PALM2AKAP2: variants seen among roughly 807,000 people sequenced by gnomAD.
PALM2AKAP2 encodes the protein PALM2 and AKAP2 fusion.
In PALM2AKAP2, 37 loss-of-function variants were observed where a neutral mutation model predicts 71.5. That is an observed-to-expected ratio of 0.52 (90% CI 0.40 to 0.68). PALM2AKAP2 has a LOEUF of 0.68. Among genes scored for constraint, PALM2AKAP2 ranks in the 30% least tolerant of loss-of-function variants. PALM2AKAP2 has a pLI of 0.00. For synonymous variants in PALM2AKAP2, 468 were observed against 478.8 expected, an observed-to-expected ratio of 0.98 and a Z score of 0.29; for missense variants, 1,224 against 1,191.8, an observed-to-expected ratio of 1.03 and a Z score of -0.40.
intron 2 of PALM2AKAP2, among the ~76,000 whole-genome samples, chr9:109,878,428 T>C (rs190887599): frequency 3.3e-5 from 5 of 152,300 alleles, no homozygotes; most frequent in Admixed American, 3.3e-4. Context: ...TTAAGCCTAA[T>C]TATTAAAAAA....
At chr9:109,961,232 A>G (rs1372199850) in intron 6 of PALM2AKAP2, among the ~76,000 whole-genome samples, 1 of 152,238 alleles carries the variant, frequency 6.6e-6, no homozygotes, top group African/African-American at 2.4e-5. Context: ...ACATATATTA[A>G]ACTTGCTGTA....
chr9:109,805,717 T>A (rs1434216574), intron 1 of PALM2AKAP2, among the ~76,000 whole-genome samples: 1 of 152,208 alleles, frequency 6.6e-6, no homozygotes, highest in Non-Finnish European at 1.5e-5. Context: ...GAATAGATAC[T>A]TGGTATATAG....
chr9:109,802,087 A>G (rs983407898), intron 1 of PALM2AKAP2, among the ~76,000 whole-genome samples: 3 of 152,192 alleles, frequency 2.0e-5, no homozygotes, highest in East Asian at 1.9e-4. Context: ...TATACCTCAT[A>G]TATTCTTCTC....
intron 1 of PALM2AKAP2, among the ~76,000 whole-genome samples, chr9:109,685,947 T>C (rs1827800313): frequency 6.6e-6 from 1 of 152,184 alleles, no homozygotes; most frequent in African/African-American, 2.4e-5. Context: ...ATATTCTAAA[T>C]CCTTTCTGTG....
At chr9:109,761,982 A>G (rs1008742614) in intron 1 of PALM2AKAP2, among the ~76,000 whole-genome samples, 2 of 152,232 alleles carry the variant, frequency 1.3e-5, no homozygotes, top group South Asian at 4.1e-4. Flanking sequence ...CAAAACCACA[A>G]TGAGATACCA....
chr9:109,655,936 G>A (rs1489463408), intron 1 of PALM2AKAP2, among the ~76,000 whole-genome samples: 1 of 152,042 alleles, frequency 6.6e-6, no homozygotes, highest in Non-Finnish European at 1.5e-5. Context: ...ATTCTTTTGG[G>A]CATAAGGGTT....
chr9:109,827,938 G>A (rs1204354017), intron 1 of PALM2AKAP2, among the ~76,000 whole-genome samples: 1 of 152,212 alleles, frequency 6.6e-6, no homozygotes, highest in Non-Finnish European at 1.5e-5. Flanking sequence ...AACATTGTAA[G>A]AAATAACTGG....
In PALM2AKAP2 at chr9:109,681,457, G is replaced by A. The variant is rs112931846; in HGVS notation, c.5+40591G>A. On this transcript the variant is annotated intron_variant, in intron 1 of 6. Transcript: ENST00000374531. Reference sequence around the variant, plus strand: ...GTTTATGTGTGGTAAGCCAGGGCAGGCATTGCACTAAGCACAATGTCACAG... The same window carrying A: ...GTTTATGTGTGGTAAGCCAGGGCAGACATTGCACTAAGCACAATGTCACAG... Among the ~76,000 whole-genome samples, 728 of 152,280 alleles carry A rather than the reference G, an allele frequency of 4.8e-3. 6 individuals are homozygous for A. The highest frequency in any genetic ancestry group is 0.017 in the African/African-American group (706 of 41,562).
intron 6 of PALM2AKAP2, among the ~76,000 whole-genome samples, chr9:109,954,728 A>G (rs1339359936): frequency 6.6e-6 from 1 of 152,048 alleles, no homozygotes; most frequent in Admixed American, 6.5e-5. Context: ...GGCAGAAGTC[A>G]GAAAATGGTT....
At chr9:110,154,543 G>A (rs1281599545) in intron 2 of PALM2AKAP2, among the ~76,000 whole-genome samples, 1 of 152,154 alleles carries the variant, frequency 6.6e-6, no homozygotes, top group Non-Finnish European at 1.5e-5. Context: ...TTTACTCTGG[G>A]TGATGTTTAT....
At chr9:109,882,759 C>T (rs987909711) in intron 3 of PALM2AKAP2, among the ~76,000 whole-genome samples, 5 of 152,074 alleles carry the variant, frequency 3.3e-5, no homozygotes, top group Admixed American at 2.6e-4. Flanking sequence ...CCTCCGACCT[C>T]AGCCTCTCAA....
intron 1 of PALM2AKAP2, among the ~76,000 whole-genome samples, chr9:109,651,224 C>T (rs1423933636): frequency 3.3e-5 from 5 of 152,088 alleles, no homozygotes; most frequent in East Asian, 1.9e-4. Flanking sequence ...GGTCAGTGTA[C>T]GGTTTAATCT....
intron 1 of PALM2AKAP2, among the ~76,000 whole-genome samples, chr9:109,642,340 AATTG>A (rs1199629204): frequency 6.6e-6 from 1 of 151,754 alleles, no homozygotes; most frequent in Non-Finnish European, 1.5e-5. Context: ...TAATGATGTA[AATTG>A]ATACATACAC....
At chr9:109,991,941 C>G (rs147906114) in intron 6 of PALM2AKAP2, among the ~76,000 whole-genome samples, 1 of 152,114 alleles carries the variant, frequency 6.6e-6, no homozygotes, top group Non-Finnish European at 1.5e-5. Flanking sequence ...AGCTCAGTGT[C>G]GAGAAGAACA....
chr9:109,802,287 G>A (rs1385852713), intron 1 of PALM2AKAP2, among the ~76,000 whole-genome samples: 3 of 152,148 alleles, frequency 2.0e-5, no homozygotes, highest in Admixed American at 1.3e-4. Context: ...CGTGATTTCT[G>A]TAGTCACATA....
chr9:109,736,023 A>T (rs1314446887), intron 1 of PALM2AKAP2, among the ~76,000 whole-genome samples: 1 of 152,196 alleles, frequency 6.6e-6, no homozygotes, highest in South Asian at 2.1e-4. Context: ...GTCCCAGCAT[A>T]AGAAAGTTGC....
chr9:109,825,556 T>C (rs1277167903), intron 1 of PALM2AKAP2, among the ~76,000 whole-genome samples: 1 of 152,148 alleles, frequency 6.6e-6, no homozygotes, highest in Non-Finnish European at 1.5e-5. Flanking sequence ...GGGCGAAGGA[T>C]ATGAACAGAC....
In PALM2AKAP2 at chr9:110,111,397, G is replaced by C. The variant is rs1835248721; in HGVS notation, c.157-24730G>C. 2.0e-5 allele frequency among the ~76,000 whole-genome samples: 3 copies of C among 152,118 alleles called. No individual in the cohort carries two copies. The South Asian group carries it at 6.2e-4, about 31-fold the overall frequency. On this transcript the variant is annotated intron_variant, in intron 1 of 3. Transcript: ENST00000374525. ...CATAAGCCACTACACCTGGCCTCAA[G>C]AAGTAATTTTTAAATAATATTTTTC...
intron 1 of PALM2AKAP2, among the ~76,000 whole-genome samples, chr9:109,831,865 A>C (rs1828311169): frequency 1.3e-5 from 2 of 152,300 alleles, no homozygotes; most frequent in African/African-American, 4.8e-5. Flanking sequence ...GAAAAGAAAA[A>C]TCTAAAAGAT....
Sources: allele counts gnomAD v4.1 joint callset (sites outside exome capture counted in the v4.1 genomes callset), GRCh38; gene constraint gnomAD v4.1.1; transcripts MANE v1.5; gene names NCBI Gene and HGNC (gene_info 2026-07-23, HGNC 2026-07-21).